Variants in RASGEF1A observed in about 807,000 individuals in gnomAD.
The protein encoded by RASGEF1A is ras-GEF domain-containing family member 1A.
RASGEF1A carries 18 observed loss-of-function variants against 56.4 expected under a neutral mutation model. The ratio of observed to expected loss-of-function variants is 0.32; its 90% CI spans 0.22 to 0.47. The LOEUF (loss-of-function observed/expected upper bound fraction) is 0.47. Ranked by LOEUF, RASGEF1A falls within the 20% of genes least tolerant of loss-of-function variation. RASGEF1A has a pLI of 1.00. For synonymous variants in RASGEF1A, 245 were observed against 242.6 expected (o/e 1.01, Z -0.09); for missense variants, 422 against 627.1 (o/e 0.67, Z 3.49).
In RASGEF1A at chr10:43,196,010, TA is replaced by T; in HGVS notation, c.*233del. 2.5e-6 allele frequency: 1 copy of T among 395,960 alleles called. No homozygotes were observed. Among genetic ancestry groups the T allele is most frequent in the African/African-American group, 2.0e-5 (1 of 49,244 alleles). The allele number at this position is 395,960 out of a possible 1,614,324, so 24.5% of individuals were successfully genotyped here. ...TTATCATGGATACCATCTCCCATGA[TA>T]CTCTCCCCTCCCCCTCCCCAAAGCA... On this transcript the variant is annotated 3_prime_UTR_variant, in exon 13 of 13. Transcript: ENST00000395810. This position sits in a 1 kb window ranked among gnomAD's most constrained non-coding sequence, Gnocchi z 4.6.
In RASGEF1A at chr10:43,266,850, T is replaced by A. The variant is rs906561939; in HGVS notation, c.-12A>T. On this transcript the variant is annotated 5_prime_UTR_variant, in exon 1 of 13. Transcript: ENST00000395810. The stretch of plus-strand genomic sequence containing the variant: ...GGTCCGCGGCCGCTGCCTACCTCGG[T>A]CCGGGCCAGCGTCGCTCCCGCGCCG... 9 of 145,382 alleles carry A rather than the reference T, an allele frequency of 6.2e-5. No individual in the cohort carries two copies. The highest frequency in any genetic ancestry group is 1.4e-4 in the Admixed American group (2 of 14,684). The allele number at this position is 145,382 out of a possible 1,614,324, so 9.0% of individuals were successfully genotyped here.
chr10:43,195,262 T>C lies in RASGEF1A; in HGVS notation c.*982A>G, dbSNP rs1839779886. The C allele has an allele frequency of 6.6e-6, 1 of 152,228 alleles. No homozygotes were observed. Among genetic ancestry groups the C allele is most frequent in the South Asian group, 2.1e-4 (1 of 4,828 alleles). 9.4% of individuals were successfully genotyped at this position (152,228 alleles called of 1,614,324 possible). ...GGGTGTAGAAAACACCTCTCAGTAT[T>C]GGGCAGTTTTATCTGAATGGGCTCC... On this transcript the variant is annotated 3_prime_UTR_variant, in exon 13 of 13. Coordinates refer to ENST00000395810, the MANE Select transcript of RASGEF1A (RefSeq NM_145313.4). The surrounding 1 kb of genome is among the most constrained non-coding windows in gnomAD (Gnocchi z 4.2).
intron 1 of RASGEF1A, among the ~76,000 whole-genome samples, chr10:43,212,995 C>A (rs1265918131): frequency 6.6e-6 from 1 of 152,216 alleles, no homozygotes; most frequent in Non-Finnish European, 1.5e-5. Flanking sequence ...GCAAGCCAGG[C>A]ACAGCAAGAC....
chr10:43,197,034 G>A lies in RASGEF1A; in HGVS notation c.1290C>T (p.Phe430=), dbSNP rs188682715. ...AACTCTGAATCTTCTTGTCCTTCTC[G>A]AAAGGACACTCTACCTGTGTCCATG... ...FMTWTQVECP[F]EKDKKIQSYL... is the part of the protein sequence containing the mutation. Residue 430 remains phenylalanine (F), a synonymous_variant, in exon 11 of 13, where the codon TTC becomes TTT. Coordinates refer to ENST00000395810, the MANE Select transcript of RASGEF1A (RefSeq NM_145313.4). 38 of 1,613,892 alleles carry A rather than the reference G, an allele frequency of 2.4e-5. No individual in the cohort carries two copies. Among genetic ancestry groups the A allele is most frequent in the Admixed American group, 6.7e-5 (4 of 60,030 alleles).
chr10:43,238,103 AG>A (rs370714365), intron 1 of RASGEF1A, among the ~76,000 whole-genome samples: 10 of 54,390 alleles, frequency 1.8e-4, no homozygotes, highest in Admixed American at 9.1e-4. Context: ...GGGCGGAGGG[AG>A]GGGGGGTGCT....
chr10:43,263,243 C>T (rs1836567765), intron 1 of RASGEF1A, among the ~76,000 whole-genome samples: 1 of 152,048 alleles, frequency 6.6e-6, no homozygotes. Flanking sequence ...GCCGGCCAAG[C>T]CCAGGAAATG....
intron 1 of RASGEF1A, among the ~76,000 whole-genome samples, chr10:43,247,702 G>A (rs1456187966): frequency 6.6e-6 from 1 of 152,188 alleles, no homozygotes; most frequent in Non-Finnish European, 1.5e-5. Context: ...AATTCATAGA[G>A]TCATAAAATA....
At chr10:43,216,618 G>A (rs545655847) in intron 1 of RASGEF1A, among the ~76,000 whole-genome samples, 53 of 152,284 alleles carry the variant, frequency 3.5e-4, no homozygotes, top group African/African-American at 1.2e-3. Flanking sequence ...TAGGTAGCCC[G>A]CCCAGGGGCT....
chr10:43,208,022 G>T, intron 1 of RASGEF1A: 1 of 981,230 alleles, frequency 1.0e-6, no homozygotes, highest in Non-Finnish European at 1.2e-6. Flanking sequence ...GCTGGCCCAG[G>T]GTGGCACTCA....
chr10:43,203,859 G>A (rs1839953196), intron 2 of RASGEF1A: 1 of 895,102 alleles, frequency 1.1e-6, no homozygotes, highest in Non-Finnish European at 1.4e-6. Flanking sequence ...TGGCACAGGA[G>A]CGGGGCCTGT....
At chr10:43,236,986 G>T (rs1409398087) in intron 1 of RASGEF1A, among the ~76,000 whole-genome samples, 3 of 151,994 alleles carry the variant, frequency 2.0e-5, no homozygotes, top group Non-Finnish European at 2.9e-5. Context: ...GGCTGGCCTT[G>T]TAGGGGGTCT....
Position 43,200,758 on chromosome 10 carries a change from A to C in RASGEF1A, c.590T>G (p.Leu197Arg), listed in dbSNP as rs1441670090. ...CTGGGCGGCTGGTGGCTTGGTCTTG[A>C]GGATGGGCCCCTTGTCTACAGCCGG... ...RPPAVDKGPI[L>R]KTKPPAAQKD... Residue 197 changes from leucine (L) to arginine (R), a missense_variant, in exon 5 of 13, where the codon CTC becomes CGC. Transcript: ENST00000395810. 6.2e-7 allele frequency: 1 copy of C among 1,613,916 alleles called. No homozygotes were observed. Among genetic ancestry groups the C allele is most frequent in the Non-Finnish European group, 8.5e-7 (1 of 1,180,014 alleles).
At chr10:43,212,338 G>A (rs1203741102) in intron 1 of RASGEF1A, among the ~76,000 whole-genome samples, 1 of 152,198 alleles carries the variant, frequency 6.6e-6, no homozygotes, top group Admixed American at 6.5e-5. Flanking sequence ...TCAGGTTTAA[G>A]ATGGGCTCTG....
intron 10 of RASGEF1A, among the ~76,000 whole-genome samples, chr10:43,197,387 A>G (rs962509626): frequency 2.6e-4 from 39 of 152,308 alleles, no homozygotes; most frequent in Non-Finnish European, 5.1e-4. Flanking sequence ...GGCCCCACTG[A>G]TAACTCCAGC....
chr10:43,251,157 G>T (rs929867685), intron 1 of RASGEF1A, among the ~76,000 whole-genome samples: 6 of 152,212 alleles, frequency 3.9e-5, no homozygotes, highest in African/African-American at 1.4e-4. Context: ...TCTGCTGGCT[G>T]GGCCCTGATG....
intron 1 of RASGEF1A, among the ~76,000 whole-genome samples, chr10:43,262,874 G>A (rs1216476595): frequency 6.6e-6 from 1 of 152,230 alleles, no homozygotes; most frequent in Non-Finnish European, 1.5e-5. Context: ...GTGGCAGTGA[G>A]CAGGGAGAGG....
chr10:43,225,257 T>TGTG (rs1840260829), intron 1 of RASGEF1A, among the ~76,000 whole-genome samples: 1 of 39,196 alleles, frequency 2.6e-5, no homozygotes, highest in Non-Finnish European at 4.3e-5. Context: ...TGGGGGTCTG[T>TGTG]GGGGGGGGGG....
intron 1 of RASGEF1A, among the ~76,000 whole-genome samples, chr10:43,236,731 A>G (rs1208461153): frequency 3.3e-5 from 5 of 152,134 alleles, no homozygotes; most frequent in Non-Finnish European, 5.9e-5. Context: ...TCCCACTAAG[A>G]CTGTGCAAAG....
Position 43,242,044 on chromosome 10 carries a change from A to C in RASGEF1A, c.-7+24801T>G, listed in dbSNP as rs541572247. Among the ~76,000 whole-genome samples the C allele has an allele frequency of 6.6e-5, 10 of 152,354 alleles. No homozygotes were observed. The South Asian group carries it at 1.4e-3, about 22-fold the overall frequency. On this transcript the variant is annotated intron_variant, in intron 1 of 12. Coordinates refer to ENST00000395810, the MANE Select transcript of RASGEF1A (RefSeq NM_145313.4). ...TCCCAGCTACTCAGGAGGCTGAGGC[A>C]GGAGAATGGCGTGAACCCAGGAGGT...
Sources: gnomAD v4.1 joint callset for allele counts (sites outside exome capture counted in the v4.1 genomes callset) on GRCh38, gnomAD v4.1.1 for gene constraint, Gnocchi (gnomAD v3.1) non-coding constraint, MANE v1.5 for transcripts, NCBI Gene and HGNC (gene_info 2026-07-23, HGNC 2026-07-21) for gene names.